The following CPEB2 variants were observed in gnomAD, a reference collection of about 807,000 sequenced individuals.
The protein encoded by CPEB2 is cytoplasmic polyadenylation element binding protein 2.
A neutral mutation model predicts 93.6 loss-of-function variants in CPEB2; 56 were observed. The ratio of observed to expected loss-of-function variants is 0.60; its 90% CI spans 0.48 to 0.75. The LOEUF is 0.75. CPEB2 is among the 30% of genes least tolerant of loss of function. CPEB2 has a pLI of 0.00. For synonymous variants in CPEB2, 764 were observed against 586.3 expected (o/e 1.30, Z -4.38); for missense variants, 1,579 against 1,395.1 (o/e 1.13, Z -2.10).
chr4:15,014,846 A>T (rs562416429), intron 3 of CPEB2, among the ~76,000 whole-genome samples: 2 of 152,120 alleles, frequency 1.3e-5, no homozygotes, highest in Admixed American at 6.6e-5. Flanking sequence ...TAGTGGAAGC[A>T]CAGGGAAGAT....
At chr4:15,021,712 T>A (rs1344234793) in intron 4 of CPEB2, among the ~76,000 whole-genome samples, 7 of 152,150 alleles carry the variant, frequency 4.6e-5, no homozygotes, top group African/African-American at 1.7e-4. Flanking sequence ...TAAAGGGAAT[T>A]AAGGAAAAAG....
intron 3 of CPEB2, among the ~76,000 whole-genome samples, chr4:15,011,234 G>T (rs1244490696): frequency 6.6e-6 from 1 of 150,936 alleles, no homozygotes; most frequent in Non-Finnish European, 1.5e-5. Flanking sequence ...CCCAGTAGCT[G>T]TGATTACATG....
At chr4:15,058,579 A>T (rs774907455) in intron 9 of CPEB2, 40 bp downstream of exon 9, 1 of 1,136,732 alleles carries the variant, frequency 8.8e-7, no homozygotes, top group Admixed American at 2.1e-5. Context: ...ACAAATGCAA[A>T]TTTTTCAAAA....
In CPEB2 at chr4:15,005,396, G is replaced by A. The variant is rs116705031; in HGVS notation, c.1662+1061G>A. ...TTTTAAGTAGGTAATATTGTGAAAT[G>A]ACACTGGGCAGAATTTTTATTTTCC... On this transcript the variant is annotated intron_variant, in intron 1 of 11. Coordinates refer to ENST00000538197, the MANE Select transcript of CPEB2 (RefSeq NM_001177382.2). Among the ~76,000 whole-genome samples the A allele has an allele frequency of 6.6e-3, 1,010 of 152,336 alleles. 12 individuals are homozygous for A. Among genetic ancestry groups the A allele is most frequent in the African/African-American group, 0.023 (950 of 41,568 alleles).
chr4:15,003,018 G>A lies in CPEB2; in HGVS notation c.345G>A (p.Thr115=). ...PARPLSGAAA[T]EKLPDHHPGG... is the part of the protein sequence containing the mutation. ...GGCCGCTTTCGGGGGCGGCGGCCAC[G>A]GAGAAACTCCCCGACCACCACCCCG... Residue 115 remains threonine, a synonymous_variant, in exon 1 of 12, where the codon ACG becomes ACA. Transcript: ENST00000538197. The A allele has an allele frequency of 1.3e-6, 2 of 1,496,436 alleles. No homozygotes were observed. The highest frequency in any genetic ancestry group is 2.9e-5 in the African/African-American group (2 of 69,940). The allele number at this position is 1,496,436 out of a possible 1,614,324, so 92.7% of individuals were successfully genotyped here.
intron 5 of CPEB2, among the ~76,000 whole-genome samples, chr4:15,037,245 G>A (rs919088213): frequency 8.6e-5 from 13 of 151,906 alleles, no homozygotes; most frequent in Non-Finnish European, 1.6e-4. Context: ...GGAGCTTGCA[G>A]TGATGCAGTG....
chr4:15,055,096 A>G (rs1728587788), intron 8 of CPEB2, among the ~76,000 whole-genome samples: 2 of 152,206 alleles, frequency 1.3e-5, no homozygotes, highest in Non-Finnish European at 2.9e-5. Context: ...AACTAGGTAC[A>G]GGTTTCTGGT....
intron 11 of CPEB2, chr4:15,063,912 T>G (rs972181143): frequency 6.6e-6 from 1 of 152,148 alleles, no homozygotes; most frequent in Non-Finnish European, 1.5e-5. Flanking sequence ...TGAAAGAATT[T>G]GAGCCTTAAA....
intron 4 of CPEB2, among the ~76,000 whole-genome samples, chr4:15,029,930 T>C (rs1452692919): frequency 6.6e-6 from 1 of 152,120 alleles, no homozygotes; most frequent in East Asian, 1.9e-4. Flanking sequence ...TTTCACTTTA[T>C]ATCCCATTGG....
chr4:15,037,389 G>A (rs1233692968), intron 5 of CPEB2, among the ~76,000 whole-genome samples: 1 of 151,854 alleles, frequency 6.6e-6, no homozygotes, highest in Admixed American at 6.6e-5. Flanking sequence ...AAATAAAAAT[G>A]TCTTTAGTTT....
rs560294537 is a variant in CPEB2 at position 15,066,002 on chromosome 4, A to G, written c.2878-151A>G. 14 of 653,436 alleles carry G rather than the reference A, an allele frequency of 2.1e-5. No homozygotes were observed. The South Asian group carries it at 2.8e-4, about 13-fold the overall frequency. The allele number at this position is 653,436 out of a possible 1,614,324, so 40.5% of individuals were successfully genotyped here. A position where few individuals can be genotyped will look rare whatever the true frequency, so the allele number is the denominator to read the frequency against. ...ATAGATTTTTAAAGTGTTTTAACCT[A>G]CTACATTGTAAAGCTCCTTCCTTGA... On this transcript the variant is annotated intron_variant, in intron 11 of 11. Coordinates refer to ENST00000538197, the MANE Select transcript of CPEB2 (RefSeq NM_001177382.2).
chr4:15,010,270 C>G (rs1452241898), intron 3 of CPEB2, among the ~76,000 whole-genome samples: 1 of 152,122 alleles, frequency 6.6e-6, no homozygotes, highest in Admixed American at 6.5e-5. Flanking sequence ...CATTTAAGGC[C>G]TTTCCAGCCA....
At chr4:15,043,811 A>G (rs897462990) in intron 6 of CPEB2, among the ~76,000 whole-genome samples, 33 of 152,166 alleles carry the variant, frequency 2.2e-4, no homozygotes, top group African/African-American at 8.0e-4. Context: ...AGTAGATTAC[A>G]TATGGGATGA....
Position 15,003,867 on chromosome 4 carries a change from G to T in CPEB2, c.1194G>T (p.Pro398=), listed in dbSNP as rs1338928131. The T allele has an allele frequency of 1.9e-5, 16 of 846,402 alleles. No homozygotes were observed. The highest frequency in any genetic ancestry group is 2.3e-5 in the Non-Finnish European group (15 of 643,184). 52.4% of individuals were successfully genotyped at this position (846,402 alleles called of 1,614,324 possible). A position where few individuals can be genotyped will look rare whatever the true frequency, so the allele number is the denominator to read the frequency against. ...CGCCACCCCAGCCCCAGCAGCCGCCGCCGACCCAGCCGCAGCAGCAGCCGC... is the reference window on the plus strand; with the variant it reads ...CGCCACCCCAGCCCCAGCAGCCGCCTCCGACCCAGCCGCAGCAGCAGCCGC... The part of the protein sequence containing the change: ...ASPPPQPQQP[P]PTQPQQQPPP... Residue 398 remains proline (P), a synonymous_variant, in exon 1 of 12, where the codon CCG becomes CCT. Coordinates refer to ENST00000538197, the MANE Select transcript of CPEB2 (RefSeq NM_001177382.2).
chr4:15,052,459 G>T lies in CPEB2; in HGVS notation c.2246G>T (p.Gly749Val). The T allele has an allele frequency of 1.3e-6, 2 of 1,586,522 alleles. No homozygotes were observed. Among genetic ancestry groups the T allele is most frequent in the Non-Finnish European group, 1.7e-6 (2 of 1,162,954 alleles). The change falls in exon 7 of 12, where the codon GGT becomes GTT. Residue 749 changes from glycine to valine, a missense_variant. Gly to Val is a moderately radical substitution (Grantham distance 109, BLOSUM62 -3). Around this residue, in one of 2 missense-constraint regions of CPEB2, gnomAD observed 1,411 missense variants for 1,056.0 expected, o/e 1.34. Coordinates refer to ENST00000538197, the MANE Select transcript of CPEB2 (RefSeq NM_001177382.2). ...ATAGATGATGGCTTGCTTGATGATG[G>T]TCACAGTGATCAAGTTGGAGTTTTA... ...FPIDDGLLDD[G>V]HSDQVGVLNS...
At chr4:15,012,749 C>T (rs1053870762) in intron 3 of CPEB2, among the ~76,000 whole-genome samples, 4 of 151,990 alleles carry the variant, frequency 2.6e-5, no homozygotes, top group African/African-American at 9.7e-5. Flanking sequence ...ATTGTAAGTA[C>T]AATAAAAGCT....
chr4:15,025,679 T>G (rs895379423), intron 4 of CPEB2, among the ~76,000 whole-genome samples: 4 of 151,938 alleles, frequency 2.6e-5, no homozygotes, highest in Non-Finnish European at 5.9e-5. Context: ...ACAAGCAATC[T>G]TAAACCTTCT....
At chr4:15,007,253 T>G in intron 1 of CPEB2, 52 bp from the exon 2 acceptor site, 1 of 1,384,500 alleles carries the variant, frequency 7.2e-7, no homozygotes, top group Non-Finnish European at 9.5e-7. Flanking sequence ...AATTTGAATT[T>G]GAATTGTAAA....
chr4:15,035,935 A>G (rs1726558702), intron 5 of CPEB2, among the ~76,000 whole-genome samples: 1 of 152,246 alleles, frequency 6.6e-6, no homozygotes, highest in Non-Finnish European at 1.5e-5. Flanking sequence ...AATAAAACAT[A>G]CTGTTACAAT....
Sources: allele counts gnomAD v4.1 joint callset (sites outside exome capture counted in the v4.1 genomes callset), GRCh38; gene constraint gnomAD v4.1.1; regional missense constraint gnomAD v4.1.1; transcripts MANE v1.5; gene names NCBI Gene and HGNC (gene_info 2026-07-23, HGNC 2026-07-21).